PJA2: variants seen among roughly 807,000 people sequenced by gnomAD.
The protein encoded by PJA2 is E3 ubiquitin-protein ligase Praja-2.
In PJA2, 25 loss-of-function variants were observed where a neutral mutation model predicts 69.3. The observed-to-expected ratio is 0.36, with a 90% CI of 0.26 to 0.50. The LOEUF is 0.50. Ranked by LOEUF, PJA2 falls within the 20% of genes least tolerant of loss-of-function variation. The pLI is 0.96. For synonymous variants in PJA2, 308 were observed against 277.8 expected (o/e 1.11, Z -1.08); for missense variants, 809 against 830.2 (o/e 0.97, Z 0.31).
chr5:109,396,787 G>A lies in PJA2; in HGVS notation c.-88+13055C>T, dbSNP rs529354202. On this transcript the variant is annotated intron_variant, in intron 1 of 9. Coordinates refer to ENST00000361189, the MANE Select transcript of PJA2 (RefSeq NM_014819.5). ...GAAAAAAAAAAAAAAGGCAGGGGTG[G>A]GGGTGGGGGTGGGGGAGAAAGAGGA... Among the ~76,000 whole-genome samples the A allele has an allele frequency of 4.4e-4, 63 of 143,382 alleles. 1 individual carries two copies. The South Asian group carries it at 0.014, about 33-fold the overall frequency. The allele number at this position is 143,382 out of a possible 152,430, so 94.1% of individuals were successfully genotyped here.
At chr5:109,337,464 A>G in intron 9 of PJA2, 108 bp from the exon 10 acceptor site, 1 of 1,239,530 alleles carries the variant, frequency 8.1e-7, no homozygotes, top group Non-Finnish European at 1.1e-6. Flanking sequence ...GACTCTTAAC[A>G]ACAAAAAACA....
chr5:109,367,916 A>G (rs1257384203), intron 5 of PJA2, among the ~76,000 whole-genome samples: 2 of 152,242 alleles, frequency 1.3e-5, no homozygotes, highest in East Asian at 3.8e-4. Flanking sequence ...CCCATAAAAT[A>G]GTAAAAGGTT....
At chr5:109,393,918 C>A (rs1484904467) in intron 1 of PJA2, among the ~76,000 whole-genome samples, 1 of 151,906 alleles carries the variant, frequency 6.6e-6, no homozygotes, top group African/African-American at 2.4e-5. Context: ...CAAAATTAAT[C>A]TGTGGTGTTA....
At chr5:109,370,226 G>C (rs1246790938) in intron 4 of PJA2, among the ~76,000 whole-genome samples, 1 of 152,060 alleles carries the variant, frequency 6.6e-6, no homozygotes, top group Non-Finnish European at 1.5e-5. Context: ...TTTTGGTTAA[G>C]AATCTCCTCA....
chr5:109,395,883 C>T (rs112800423), intron 1 of PJA2, among the ~76,000 whole-genome samples: 5,753 of 151,774 alleles, frequency 0.038, 110 homozygotes, highest in Middle Eastern at 0.051. Context: ...GCCTGTAATC[C>T]CAGCTACTCG....
rs1279026245 is a variant in PJA2, at chr5:109,364,613, ACT to A, written c.1470-1593_1470-1592del. ...ACTCCAGCCTGGGCGACAGAGCGAGACTCTGTCTCAAAAAAAAAAAAAAAAAA... is the reference window on the plus strand; with the variant it reads ...ACTCCAGCCTGGGCGACAGAGCGAGACTGTCTCAAAAAAAAAAAAAAAAAA... On this transcript the variant is annotated intron_variant, in intron 5 of 9. Transcript: ENST00000361189. Among the ~76,000 whole-genome samples the A allele has an allele frequency of 2.9e-5, 4 of 136,330 alleles. No homozygotes were observed. The East Asian group carries it at 8.0e-4, about 27-fold the overall frequency. 89.4% of individuals were successfully genotyped at this position (136,330 alleles called of 152,430 possible). A position where few individuals can be genotyped will look rare whatever the true frequency, so the allele number is the denominator to read the frequency against.
At chr5:109,370,734 TA>T (rs1186862946) in intron 4 of PJA2, among the ~76,000 whole-genome samples, 1 of 152,186 alleles carries the variant, frequency 6.6e-6, no homozygotes, top group Non-Finnish European at 1.5e-5. Flanking sequence ...AAGAACCTTC[TA>T]AAATTCAAAG....
intron 4 of PJA2, among the ~76,000 whole-genome samples, chr5:109,374,905 G>T (rs921086752): frequency 1.4e-4 from 21 of 152,004 alleles, no homozygotes; most frequent in Admixed American, 1.4e-3. Flanking sequence ...AACTTCTCAG[G>T]GTATATTTCA....
chr5:109,363,900 C>G (rs1005650285), intron 5 of PJA2, among the ~76,000 whole-genome samples: 1 of 152,078 alleles, frequency 6.6e-6, no homozygotes, highest in Admixed American at 6.5e-5. Context: ...CCCTATAATC[C>G]CAGCACTTTG....
rs562754979 is a variant in PJA2 at position 109,340,267 on chromosome 5, A to C, written c.2002-2911T>G. Among the ~76,000 whole-genome samples the C allele has an allele frequency of 1.1e-3, 166 of 152,340 alleles. 1 individual carries two copies. Among genetic ancestry groups the C allele is most frequent in the African/African-American group, 3.7e-3 (154 of 41,588 alleles). On this transcript the variant is annotated intron_variant, in intron 9 of 9. Coordinates refer to ENST00000361189, the MANE Select transcript of PJA2 (RefSeq NM_014819.5). The stretch of plus-strand genomic sequence containing the variant: ...ACAGGCACTATGGGTTATCTCATAC[A>C]GAGATATTTTATAAAAGAACAGTGA...
intron 7 of PJA2, among the ~76,000 whole-genome samples, chr5:109,352,999 A>G (rs983985613): frequency 7.4e-6 from 1 of 134,904 alleles, no homozygotes; most frequent in East Asian, 2.0e-4. Flanking sequence ...ATAGATATCT[A>G]TATATTAGAT....
At chr5:109,346,069 A>T (rs438173) in intron 7 of PJA2, among the ~76,000 whole-genome samples, 1 of 152,050 alleles carries the variant, frequency 6.6e-6, no homozygotes, top group South Asian at 2.1e-4. Flanking sequence ...CTGGGACTGC[A>T]TAAGTCCTGT....
intron 1 of PJA2, chr5:109,409,279 T>C (rs900753558): frequency 6.6e-6 from 1 of 152,156 alleles, no homozygotes; most frequent in Non-Finnish European, 1.5e-5. Flanking sequence ...GAGCGGGGTG[T>C]CTGCGTGCCG....
At chr5:109,363,049 A>G in intron 5 of PJA2, 27 bp from the exon 6 acceptor site, 3 of 1,531,094 alleles carry the variant, frequency 2.0e-6, no homozygotes, top group Non-Finnish European at 2.7e-6. Flanking sequence ...AAAGGAAGAA[A>G]AAAATATTAT....
chr5:109,359,950 A>G (rs753483661), intron 6 of PJA2, among the ~76,000 whole-genome samples: 9 of 152,190 alleles, frequency 5.9e-5, no homozygotes, highest in Non-Finnish European at 1.3e-4. Flanking sequence ...CAACTTACTC[A>G]TAAGTGGGTC....
chr5:109,345,658 AG>A (rs1424243438), intron 7 of PJA2, among the ~76,000 whole-genome samples: 1 of 152,222 alleles, frequency 6.6e-6, no homozygotes, highest in Non-Finnish European at 1.5e-5. Flanking sequence ...CATTTTGGAA[AG>A]GTTCACTTCA....
In PJA2 at chr5:109,335,418, A is replaced by T. The variant is rs960887223; in HGVS notation, c.*1813T>A. ...AATAGCTAAATCTTAACAGACAAAG[A>T]AGAAATATTTTCTTTGGGACAGCTG... is the stretch of plus-strand genomic sequence containing the variant. On this transcript the variant is annotated 3_prime_UTR_variant, in exon 10 of 10. Transcript: ENST00000361189. 3 of 152,632 alleles carry T rather than the reference A, an allele frequency of 2.0e-5. No individual in the cohort carries two copies. Among genetic ancestry groups the T allele is most frequent in the African/African-American group, 7.2e-5 (3 of 41,450 alleles). 9.5% of individuals were successfully genotyped at this position (152,632 alleles called of 1,614,324 possible).
chr5:109,373,439 G>A (rs1204987091), intron 4 of PJA2, among the ~76,000 whole-genome samples: 2 of 151,898 alleles, frequency 1.3e-5, no homozygotes, highest in Admixed American at 1.3e-4. Context: ...TGGAGAAGAG[G>A]AAAATAAGAA....
intron 1 of PJA2, among the ~76,000 whole-genome samples, chr5:109,394,039 C>CTCT (rs778747515): frequency 2.4e-5 from 2 of 81,880 alleles, no homozygotes; most frequent in Admixed American, 1.8e-4. Flanking sequence ...TTCTAATTCT[C>CTCT]TTTTTTTTTT....
Sources: gnomAD v4.1 joint callset for allele counts (sites outside exome capture counted in the v4.1 genomes callset) on GRCh38, gnomAD v4.1.1 for gene constraint, MANE v1.5 for transcripts, NCBI Gene and HGNC (gene_info 2026-07-23, HGNC 2026-07-21) for gene names.